ARHGEF28: variants seen among roughly 807,000 people sequenced by gnomAD.
ARHGEF28 encodes Rho guanine nucleotide exchange factor 28.
In ARHGEF28, 152 loss-of-function variants were observed where a neutral mutation model predicts 206.6. The ratio of observed to expected loss-of-function variants is 0.74; its 90% CI spans 0.64 to 0.84. The LOEUF (loss-of-function observed/expected upper bound fraction) is 0.84. Ranked by LOEUF, ARHGEF28 falls within the 40% of genes least tolerant of loss-of-function variation. The probability of loss-of-function intolerance (pLI) is 0.00; values close to 1 mark genes in which losing one functional copy is unlikely to be tolerated. For synonymous variants in ARHGEF28, 763 were observed against 776.4 expected (o/e 0.98, Z 0.29); for missense variants, 2,028 against 2,073.2 (o/e 0.98, Z 0.42).
At chr5:73,666,693 A>G (rs1291472800) in intron 1 of ARHGEF28, among the ~76,000 whole-genome samples, 1 of 152,252 alleles carries the variant, frequency 6.6e-6, no homozygotes, top group Non-Finnish European at 1.5e-5. Context: ...TGCAGCCAGC[A>G]GAGTGGCCAT....
rs78730533 is a variant in ARHGEF28, at chr5:73,800,808, G to T, written c.1024+5417G>T. Among the ~76,000 whole-genome samples the T allele has an allele frequency of 3.4e-3, 524 of 152,204 alleles. 8 individuals carry two copies. The highest frequency in any genetic ancestry group is 0.012 in the African/African-American group (493 of 41,518). On this transcript the variant is annotated intron_variant, in intron 9 of 35. Coordinates refer to ENST00000513042, the MANE Select transcript of ARHGEF28 (RefSeq NM_001177693.2). ...GAAACAAAGCCTCCCCACCCCGAAA[G>T]TCCCCTGAAAGGAAAAACATTGGGA...
At chr5:73,918,846 T>C (rs759546719) in intron 35 of ARHGEF28, among the ~76,000 whole-genome samples, 1 of 152,148 alleles carries the variant, frequency 6.6e-6, no homozygotes, top group Non-Finnish European at 1.5e-5. Context: ...CAAAAAAAAA[T>C]ACAGGTTCCT....
intron 11 of ARHGEF28, 146 bp downstream of exon 11, chr5:73,840,906 T>G: frequency 2.2e-6 from 2 of 919,518 alleles, no homozygotes; most frequent in South Asian, 1.9e-5. Flanking sequence ...CTATATTCAC[T>G]GATTTGAAAG....
At chr5:73,668,766 A>ATTGGAAG (rs1746128079) in intron 1 of ARHGEF28, among the ~76,000 whole-genome samples, 1 of 151,414 alleles carries the variant, frequency 6.6e-6, no homozygotes, top group African/African-American at 2.4e-5. Flanking sequence ...TTACTTGGAA[A>ATTGGAAG]CCCTTCTAAG....
At position 73,928,784 on chromosome 5, in the gene ARHGEF28, T is replaced by C. The variant is rs542422685; in HGVS notation, c.4949-12060T>C. 5.3e-5 allele frequency among the ~76,000 whole-genome samples: 8 copies of C among 152,332 alleles called. No individual in the cohort carries two copies. The East Asian group carries it at 1.5e-3, about 29-fold the overall frequency. On this transcript the variant is annotated intron_variant, in intron 35 of 35. Coordinates refer to ENST00000513042, the MANE Select transcript of ARHGEF28 (RefSeq NM_001177693.2). ...GTGAGGCAGGCCGCTCCCCAGAAAG[T>C]TGGCTTTTTTGCCAAGGTACTTAGA...
intron 14 of ARHGEF28, among the ~76,000 whole-genome samples, chr5:73,854,926 C>A (rs1001604889): frequency 5.7e-4 from 86 of 151,982 alleles, no homozygotes; most frequent in African/African-American, 1.9e-3. Context: ...TATTAAGAAT[C>A]CATATTCTTA....
At chr5:73,828,395 G>C (rs1370151624) in intron 9 of ARHGEF28, among the ~76,000 whole-genome samples, 2 of 152,166 alleles carry the variant, frequency 1.3e-5, no homozygotes, top group Non-Finnish European at 2.9e-5. Flanking sequence ...AAGGATGTTT[G>C]TGCCAATGTT....
intron 2 of ARHGEF28, among the ~76,000 whole-genome samples, chr5:73,730,156 A>G (rs1283117763): frequency 6.6e-6 from 1 of 152,238 alleles, no homozygotes; most frequent in African/African-American, 2.4e-5. Context: ...TATAGCTTAT[A>G]GTTCTGTTTA....
At chr5:73,810,871 T>C (rs1051903570) in intron 9 of ARHGEF28, among the ~76,000 whole-genome samples, 1 of 152,196 alleles carries the variant, frequency 6.6e-6, no homozygotes, top group Non-Finnish European at 1.5e-5. Flanking sequence ...CCCTATAGAT[T>C]GTATTACTTT....
At chr5:73,901,158 T>C (rs1262331404) in intron 30 of ARHGEF28, 26 bp from the exon 31 acceptor site, 3 of 1,601,760 alleles carry the variant, frequency 1.9e-6, no homozygotes, top group Non-Finnish European at 8.5e-7. Flanking sequence ...GTCCTTTTTG[T>C]TTCTGTCTCG....
chr5:73,786,703 G>A (rs1754181200), intron 7 of ARHGEF28, among the ~76,000 whole-genome samples: 6 of 152,180 alleles, frequency 3.9e-5, no homozygotes, highest in Admixed American at 3.9e-4. Context: ...GGTGGAGGTG[G>A]CGGTGTCATT....
chr5:73,713,281 C>G (rs765198808), intron 2 of ARHGEF28, among the ~76,000 whole-genome samples: 32 of 152,308 alleles, frequency 2.1e-4, no homozygotes, highest in Non-Finnish European at 4.1e-4. Context: ...CCTAGGTCTT[C>G]TCTCTATTTT....
At chr5:73,681,214 T>C (rs1402186637) in intron 1 of ARHGEF28, among the ~76,000 whole-genome samples, 1 of 152,126 alleles carries the variant, frequency 6.6e-6, no homozygotes, top group African/African-American at 2.4e-5. Context: ...TGGAATTGTA[T>C]AAGGCATGAC....
chr5:73,787,947 A>G (rs2112473979), intron 7 of ARHGEF28, among the ~76,000 whole-genome samples: 1 of 152,296 alleles, frequency 6.6e-6, no homozygotes, highest in Middle Eastern at 3.4e-3. Flanking sequence ...CACTTAGTTT[A>G]TCAAAGGATT....
Position 73,894,474 on chromosome 5 carries a change from G to T in ARHGEF28, c.3740G>T (p.Ser1247Ile). 1 of 1,613,942 alleles carries T rather than the reference G, an allele frequency of 6.2e-7. No individual in the cohort carries two copies. The highest frequency in any genetic ancestry group is 8.5e-7 in the Non-Finnish European group (1 of 1,179,872). ...ATCTATGCTGAACTTGGAGAACTGA[G>T]CGGATTTGAGGACGTCCATCTAGAG... ...LHIYAELGEL[S>I]GFEDVHLEPH... Residue 1247 changes from serine (S) to isoleucine (I), a missense_variant, in exon 29 of 36, where the codon AGC (serine) becomes ATC (isoleucine). Physicochemically the swap from Ser to Ile is moderately radical, Grantham distance 142 (BLOSUM62 -2). This residue lies in a region of ARHGEF28 where 803 missense variants were observed against 768.0 expected (regional missense o/e 1.05). Coordinates refer to ENST00000513042, the MANE Select transcript of ARHGEF28 (RefSeq NM_001177693.2).
At chr5:73,670,636 A>C (rs960104511) in intron 1 of ARHGEF28, among the ~76,000 whole-genome samples, 1 of 152,180 alleles carries the variant, frequency 6.6e-6, no homozygotes, top group African/African-American at 2.4e-5. Flanking sequence ...CAGTTTTTCC[A>C]TATCTGCTAT....
chr5:73,755,887 G>A (rs1288231887), intron 4 of ARHGEF28, among the ~76,000 whole-genome samples: 1 of 152,152 alleles, frequency 6.6e-6, no homozygotes, highest in Admixed American at 6.5e-5. Context: ...ACAGATTTAT[G>A]TCACCAGGAG....
chr5:73,670,093 A>G (rs1056685903), intron 1 of ARHGEF28, among the ~76,000 whole-genome samples: 1 of 152,202 alleles, frequency 6.6e-6, no homozygotes, highest in Non-Finnish European at 1.5e-5. Context: ...AACAGTTCCA[A>G]AACCACAAGG....
intron 9 of ARHGEF28, among the ~76,000 whole-genome samples, chr5:73,797,557 T>A (rs1580631529): frequency 6.6e-6 from 1 of 152,126 alleles, no homozygotes; most frequent in African/African-American, 2.4e-5. Context: ...CCCATCACCA[T>A]GCCCAGGTAA....
Sources: allele counts gnomAD v4.1 joint callset (sites outside exome capture counted in the v4.1 genomes callset), GRCh38; gene constraint gnomAD v4.1.1; regional missense constraint gnomAD v4.1.1; transcripts MANE v1.5; gene names NCBI Gene and HGNC (gene_info 2026-07-23, HGNC 2026-07-21).